Variants in GABBR1 observed in about 807,000 individuals in gnomAD.
GABBR1 encodes gamma-aminobutyric acid type B receptor subunit 1.
Under a neutral mutation model 117.7 loss-of-function variants are expected in GABBR1, and 35 were observed. The ratio of observed to expected loss-of-function variants is 0.30; its 90% CI spans 0.23 to 0.39. The LOEUF (loss-of-function observed/expected upper bound fraction) is 0.39. Ranked by LOEUF, GABBR1 falls within the 10% of genes least tolerant of loss-of-function variation. The pLI is 1.00. For synonymous variants in GABBR1, 442 were observed against 486.6 expected (o/e 0.91, Z 1.21); for missense variants, 709 against 1,241.8 (o/e 0.57, Z 6.45).
Position 29,602,940 on chromosome 6 carries a change from G to A in GABBR1, c.*603C>T, listed in dbSNP as rs1428799958. The A allele has an allele frequency of 6.6e-6, 3 of 451,246 alleles. No individual in the cohort carries two copies. The highest frequency in any genetic ancestry group is 2.0e-5 in the African/African-American group (1 of 49,772). The allele number at this position is 451,246 out of a possible 1,614,324, so 28.0% of individuals were successfully genotyped here. ...TGTTCAGTGGGCACACGCAGGAGAG[G>A]GGAGGATGCATGTGTGCTGAGCGTG... On this transcript the variant is annotated 3_prime_UTR_variant, in exon 23 of 23. Coordinates refer to ENST00000377034, the MANE Select transcript of GABBR1 (RefSeq NM_001470.4).
chr6:29,627,972 G>C lies in GABBR1; in HGVS notation c.497-326C>G. 1 of 1,337,792 alleles carries C rather than the reference G, an allele frequency of 7.5e-7. No homozygotes were observed. Among genetic ancestry groups the C allele is most frequent in the Non-Finnish European group, 9.5e-7 (1 of 1,053,320 alleles). 82.9% of individuals were successfully genotyped at this position (1,337,792 alleles called of 1,614,324 possible). On this transcript the variant is annotated intron_variant, in intron 5 of 22. Transcript: ENST00000377034. This position sits in a 1 kb window ranked among gnomAD's most constrained non-coding sequence, Gnocchi z 4.4. ...GCTTCCTACGGCCCCCGCGGCTCTC[G>C]CCACCGTCGCCGCCACCGCGGACTC...
Position 29,605,871 on chromosome 6 carries a change from C to A in GABBR1, c.2312-175G>T. Reference sequence around the variant, plus strand: ...GTGTCCCCTATCCCTTATGTCCACCCAACTTGCCCAGACCACATCACTTTT... The same window carrying A: ...GTGTCCCCTATCCCTTATGTCCACCAAACTTGCCCAGACCACATCACTTTT... On this transcript the variant is annotated intron_variant, in intron 19 of 22. Coordinates refer to ENST00000377034, the MANE Select transcript of GABBR1 (RefSeq NM_001470.4). This position sits in a 1 kb window ranked among gnomAD's most constrained non-coding sequence, Gnocchi z 4.2. 1 of 680,344 alleles carries A rather than the reference C, an allele frequency of 1.5e-6. No homozygotes were observed. 42.1% of individuals were successfully genotyped at this position (680,344 alleles called of 1,614,324 possible). A position where few individuals can be genotyped will look rare whatever the true frequency, so the allele number is the denominator to read the frequency against.
At chr6:29,610,670 T>A (rs1762447086) in intron 14 of GABBR1, among the ~76,000 whole-genome samples, 1 of 151,478 alleles carries the variant, frequency 6.6e-6, no homozygotes, top group African/African-American at 2.4e-5. Context: ...CCCCTGCCTC[T>A]AATCCCCAGT....
Position 29,605,945 on chromosome 6 carries a change from G to A in GABBR1, c.2312-249C>T. 1 of 578,320 alleles carries A rather than the reference G, an allele frequency of 1.7e-6. No individual in the cohort carries two copies. The highest frequency in any genetic ancestry group is 3.1e-6 in the Non-Finnish European group (1 of 324,664). 35.8% of individuals were successfully genotyped at this position (578,320 alleles called of 1,614,324 possible). A position where few individuals can be genotyped will look rare whatever the true frequency, so the allele number is the denominator to read the frequency against. On this transcript the variant is annotated intron_variant, in intron 19 of 22. Coordinates refer to ENST00000377034, the MANE Select transcript of GABBR1 (RefSeq NM_001470.4). This position sits in a 1 kb window ranked among gnomAD's most constrained non-coding sequence, Gnocchi z 4.2. ...AATGGTGGCAAGCTGCTGTCAGTCA[G>A]GCAAGGGCTTGTTGAATATCTAGAA...
chr6:29,631,378 G>A lies in GABBR1; in HGVS notation c.289+18C>T, dbSNP rs778633702. 2 of 1,610,980 alleles carry A rather than the reference G, an allele frequency of 1.2e-6. No individual in the cohort carries two copies. The highest frequency in any genetic ancestry group is 3.3e-5 in the Admixed American group (2 of 60,012). ...AGGAATAGTCTTGAAGAGGGGAGGGGCTTCCGAGGCTACTCACCACAGCGG... is the reference window on the plus strand; with the variant it reads ...AGGAATAGTCTTGAAGAGGGGAGGGACTTCCGAGGCTACTCACCACAGCGG... On this transcript the variant is annotated intron_variant, in intron 3 of 22. Coordinates refer to ENST00000377034, the MANE Select transcript of GABBR1 (RefSeq NM_001470.4). The surrounding 1 kb of genome is among the most constrained non-coding windows in gnomAD (Gnocchi z 5.9).
chr6:29,613,187 G>A lies in GABBR1; in HGVS notation c.1566+56C>T. On this transcript the variant is annotated intron_variant, in intron 12 of 22. Transcript: ENST00000377034. The surrounding 1 kb of genome is among the most constrained non-coding windows in gnomAD (Gnocchi z 4.1). ...TGCATGTTTGTAGAAGGTGCCTCTT[G>A]GGAGTCTCTCTCAAGATTGGGAAGA... The A allele has an allele frequency of 1.3e-6, 2 of 1,575,542 alleles. No individual in the cohort carries two copies. The highest frequency in any genetic ancestry group is 1.7e-6 in the Non-Finnish European group (2 of 1,149,980).
chr6:29,625,288 A>G (rs1194605737), intron 6 of GABBR1, among the ~76,000 whole-genome samples: 1 of 152,062 alleles, frequency 6.6e-6, no homozygotes, highest in Admixed American at 6.5e-5. Flanking sequence ...CTCTCCCCAC[A>G]TCTATTACTC....
intron 14 of GABBR1, among the ~76,000 whole-genome samples, chr6:29,610,084 A>G (rs965915621): frequency 7.5e-5 from 11 of 146,430 alleles, no homozygotes; most frequent in African/African-American, 2.2e-4. Context: ...AAAAAAAAAA[A>G]GGGCAAAACT....
At chr6:29,618,776 C>A (rs1763439605) in intron 11 of GABBR1, among the ~76,000 whole-genome samples, 1 of 152,168 alleles carries the variant, frequency 6.6e-6, no homozygotes. Flanking sequence ...TTCTCATTCT[C>A]TGCACTATTA....
chr6:29,610,147 A>G (rs1225334676), intron 14 of GABBR1, among the ~76,000 whole-genome samples: 1 of 151,050 alleles, frequency 6.6e-6, no homozygotes, highest in Non-Finnish European at 1.5e-5. Context: ...GACGGCAGCC[A>G]TCTTCAATGG....
In GABBR1 at chr6:29,630,215, G is replaced by GTGA. The variant is rs1764813112; in HGVS notation, c.475+242_475+243insTCA. 1 of 439,756 alleles carries GTGA rather than the reference G, an allele frequency of 2.3e-6. No homozygotes were observed. Among genetic ancestry groups the GTGA allele is most frequent in the Non-Finnish European group, 4.1e-6 (1 of 246,826 alleles). 27.2% of individuals were successfully genotyped at this position (439,756 alleles called of 1,614,324 possible). ...AGAGAAAACGTGAGGTCTAAGAATC[G>GTGA]GGAGCAGGAAGATTTTTTTAAAAGG... On this transcript the variant is annotated intron_variant, in intron 4 of 22. Coordinates refer to ENST00000377034, the MANE Select transcript of GABBR1 (RefSeq NM_001470.4). The surrounding 1 kb of genome is among the most constrained non-coding windows in gnomAD (Gnocchi z 4.9).
At position 29,606,119 on chromosome 6, in the gene GABBR1, G is replaced by A; in HGVS notation, c.2311+272C>T. On this transcript the variant is annotated intron_variant, in intron 19 of 22. Coordinates refer to ENST00000377034, the MANE Select transcript of GABBR1 (RefSeq NM_001470.4). The surrounding 1 kb of genome is among the most constrained non-coding windows in gnomAD (Gnocchi z 4.5). Reference sequence around the variant, plus strand: ...GATCTAAAAGATAATGTCAAGTCTGGAGGTGGGGTTACCCCCACTTGTTCC... The same window carrying A: ...GATCTAAAAGATAATGTCAAGTCTGAAGGTGGGGTTACCCCCACTTGTTCC... The A allele has an allele frequency of 1.8e-6, 1 of 557,270 alleles. No homozygotes were observed. 34.5% of individuals were successfully genotyped at this position (557,270 alleles called of 1,614,324 possible).
In GABBR1 at chr6:29,605,691, A is replaced by T; in HGVS notation, c.2317T>A (p.Phe773Ile). 6.2e-7 allele frequency: 1 copy of T among 1,612,574 alleles called. No homozygotes were observed. ...SRKMNTWLGIFYGYKGLLLLL... is the reference protein window; with the variant it reads ...SRKMNTWLGIIYGYKGLLLLL... Reference sequence around the variant, plus strand: ...AGCAGCAGCCCCTTGTAACCATAGAAAATGCCTAGGATGGCAGGAGAGAGT... The same window carrying T: ...AGCAGCAGCCCCTTGTAACCATAGATAATGCCTAGGATGGCAGGAGAGAGT... The change falls in exon 20 of 23, where the codon TTC becomes ATC. Residue 773 changes from phenylalanine (F) to isoleucine (I), a missense_variant. Physicochemically the swap from Phe to Ile is conservative, Grantham distance 21 (BLOSUM62 0). Coordinates refer to ENST00000377034, the MANE Select transcript of GABBR1 (RefSeq NM_001470.4). This position sits in a 1 kb window ranked among gnomAD's most constrained non-coding sequence, Gnocchi z 4.2.
Position 29,631,564 on chromosome 6 carries a change from T to G in GABBR1, c.121A>C (p.Ile41Leu). 6.2e-7 allele frequency: 1 copy of G among 1,614,114 alleles called. No homozygotes were observed. The highest frequency in any genetic ancestry group is 8.5e-7 in the Non-Finnish European group (1 of 1,179,998). The change falls in exon 3 of 23, where the codon ATC becomes CTC. Residue 41 changes from isoleucine (I) to leucine (L), a missense_variant. This residue lies in a region of GABBR1 where 4 missense variants were observed against 21.3 expected (regional missense o/e 0.19). Transcript: ENST00000377034. This position sits in a 1 kb window ranked among gnomAD's most constrained non-coding sequence, Gnocchi z 5.9. ...QIIHPPWEGG[I>L]RYRGLTRDQV... ...TCCCGAGTCAGGCCCCGGTACCTGA[T>G]GCCCCCTTCCCAGGGCGGGTGTATG...
In GABBR1 at chr6:29,621,281, C is replaced by T. The variant is rs753769256; in HGVS notation, c.1143G>A (p.Glu381=). 3.7e-6 allele frequency: 6 copies of T among 1,612,720 alleles called. No individual in the cohort carries two copies. Among genetic ancestry groups the T allele is most frequent in the South Asian group, 1.1e-5 (1 of 91,036 alleles). Residue 381 remains glutamate, a synonymous_variant, in exon 11 of 23, where the codon GAG becomes GAA. Transcript: ENST00000377034. This position sits in a 1 kb window ranked among gnomAD's most constrained non-coding sequence, Gnocchi z 5.0. Reference sequence around the variant, plus strand: ...AGACGTACTTCTTCCCAAAGAGACGCTCCTTGTACACCTGAATACAGAGGA... The same window carrying T: ...AGACGTACTTCTTCCCAAAGAGACGTTCCTTGTACACCTGAATACAGAGGA... ...ARKVFCEVYK[E]RLFGKKYVWF...
In GABBR1 at chr6:29,621,669, G is replaced by T; in HGVS notation, c.1131+83C>A. 8.3e-7 allele frequency: 1 copy of T among 1,201,274 alleles called. No homozygotes were observed. The highest frequency in any genetic ancestry group is 1.2e-6 in the Non-Finnish European group (1 of 805,254). The allele number at this position is 1,201,274 out of a possible 1,614,324, so 74.4% of individuals were successfully genotyped here. On this transcript the variant is annotated intron_variant, in intron 10 of 22. Coordinates refer to ENST00000377034, the MANE Select transcript of GABBR1 (RefSeq NM_001470.4). This position sits in a 1 kb window ranked among gnomAD's most constrained non-coding sequence, Gnocchi z 5.0. ...CTCAGATCATATGCTATCAACTCAG[G>T]CACAGATGCCAAGAGGAGGCCCCAC...
Position 29,621,874 on chromosome 6 carries a change from A to C in GABBR1, c.1066-57T>G. ...ATGCCCGGGAATGCCTGAGGGGCTA[A>C]GCCAGATGTCTTCACAGCTTTGATT... On this transcript the variant is annotated intron_variant, in intron 9 of 22. Transcript: ENST00000377034. The surrounding 1 kb of genome is among the most constrained non-coding windows in gnomAD (Gnocchi z 5.0). The C allele has an allele frequency of 1.9e-6, 3 of 1,553,924 alleles. No individual in the cohort carries two copies. Among genetic ancestry groups the C allele is most frequent in the Non-Finnish European group, 2.7e-6 (3 of 1,125,892 alleles).
In GABBR1 at chr6:29,632,298, C is replaced by A; in HGVS notation, c.85+3G>T. On this transcript the variant is annotated splice_donor_region_variant and intron_variant, in intron 2 of 22. Coordinates refer to ENST00000377034, the MANE Select transcript of GABBR1 (RefSeq NM_001470.4). This position sits in a 1 kb window ranked among gnomAD's most constrained non-coding sequence, Gnocchi z 5.8. ...GGCCGGAGGTCGTCGAAGAAGGATGCACCTTCTGAGGTGGCGTTGGGGGTC... is the reference window on the plus strand; with the variant it reads ...GGCCGGAGGTCGTCGAAGAAGGATGAACCTTCTGAGGTGGCGTTGGGGGTC... The A allele has an allele frequency of 7.3e-7, 1 of 1,378,824 alleles. No individual in the cohort carries two copies. Among genetic ancestry groups the A allele is most frequent in the Non-Finnish European group, 9.4e-7 (1 of 1,062,202 alleles). 85.4% of individuals were successfully genotyped at this position (1,378,824 alleles called of 1,614,324 possible).
chr6:29,631,156 G>C lies in GABBR1; in HGVS notation c.289+240C>G, dbSNP rs1764921522. 6.6e-6 allele frequency among the ~76,000 whole-genome samples: 1 copy of C among 152,176 alleles called. No individual in the cohort carries two copies. Among genetic ancestry groups the C allele is most frequent in the Non-Finnish European group, 1.5e-5 (1 of 68,030 alleles). ...ATAACTGACAAGATGAATTATCAAT[G>C]TTATAGGCCAATGATCAGTGGCCTA... is the stretch of plus-strand genomic sequence containing the variant. On this transcript the variant is annotated intron_variant, in intron 3 of 22. Coordinates refer to ENST00000377034, the MANE Select transcript of GABBR1 (RefSeq NM_001470.4). The surrounding 1 kb of genome is among the most constrained non-coding windows in gnomAD (Gnocchi z 5.9).
Sources: allele counts gnomAD v4.1 joint callset (sites outside exome capture counted in the v4.1 genomes callset), GRCh38; gene constraint gnomAD v4.1.1; regional missense constraint gnomAD v4.1.1; non-coding constraint Gnocchi (gnomAD v3.1); transcripts MANE v1.5; gene names NCBI Gene and HGNC (gene_info 2026-07-23, HGNC 2026-07-21).